CPNE4: variants seen among roughly 807,000 people sequenced by gnomAD.
CPNE4 encodes the protein copine 4, also known as copine-4.
CPNE4 carries 25 observed loss-of-function variants against 67.9 expected under a neutral mutation model. The ratio of observed to expected loss-of-function variants is 0.37; its 90% CI spans 0.27 to 0.51. CPNE4 has a LOEUF of 0.51. CPNE4 is among the 20% of genes least tolerant of loss of function. The pLI is 0.93. For missense variants in CPNE4, 464 were observed against 690.8 expected (o/e 0.67, Z 3.68); for synonymous variants, 242 against 244.9 (o/e 0.99, Z 0.11).
Position 131,792,696 on chromosome 3 carries a change from C to CAT in CPNE4, c.181-69073_181-69072dup, listed in dbSNP as rs2083789212. On this transcript the variant is annotated intron_variant, in intron 2 of 15. Transcript: ENST00000429747. The stretch of plus-strand genomic sequence containing the variant: ...ACATATATACACACGTGTATATATA[C>CAT]ATATACACACACGTGTATATATGTA... Among the ~76,000 whole-genome samples the CAT allele has an allele frequency of 5.8e-4, 26 of 44,536 alleles. 2 individuals are homozygous for CAT. The highest frequency in any genetic ancestry group is 2.0e-3 in the East Asian group (3 of 1,506). 29.2% of individuals were successfully genotyped at this position (44,536 alleles called of 152,430 possible).
intron 2 of CPNE4, among the ~76,000 whole-genome samples, chr3:131,737,625 A>G (rs958216306): frequency 1.3e-5 from 2 of 152,172 alleles, no homozygotes; most frequent in African/African-American, 4.8e-5. Flanking sequence ...AAGAAGTAGC[A>G]AGTCAACAAT....
intron 1 of CPNE4, among the ~76,000 whole-genome samples, chr3:131,925,025 C>T (rs763688478): frequency 5.9e-5 from 9 of 152,170 alleles, no homozygotes; most frequent in Non-Finnish European, 1.0e-4. Flanking sequence ...TTTCTCTTCA[C>T]ATTGAATTTT....
intron 2 of CPNE4, among the ~76,000 whole-genome samples, chr3:131,846,353 C>T (rs2085996996): frequency 6.6e-6 from 1 of 152,154 alleles, no homozygotes; most frequent in Admixed American, 6.5e-5. Context: ...ATATTTCCAA[C>T]ACTCTTGAGG....
At chr3:131,662,602 A>T (rs1321523841) in intron 7 of CPNE4, among the ~76,000 whole-genome samples, 4 of 145,832 alleles carry the variant, frequency 2.7e-5, no homozygotes, top group African/African-American at 1.0e-4. Flanking sequence ...ATCTATAAGG[A>T]ACTTAAACAA....
At chr3:131,536,273 T>C (rs1935140097) in intron 15 of CPNE4, among the ~76,000 whole-genome samples, 1 of 152,146 alleles carries the variant, frequency 6.6e-6, no homozygotes, top group South Asian at 2.1e-4. Context: ...ACCATGTGAT[T>C]TATGGTGATG....
intron 1 of CPNE4, among the ~76,000 whole-genome samples, chr3:132,001,635 GA>G (rs975767256): frequency 6.6e-6 from 1 of 150,756 alleles, no homozygotes; most frequent in African/African-American, 2.4e-5. Context: ...AGGAAGAGGA[GA>G]AAAAAAGAAT....
chr3:131,914,918 G>T (rs986892549), intron 1 of CPNE4, among the ~76,000 whole-genome samples: 4 of 152,222 alleles, frequency 2.6e-5, no homozygotes, highest in Admixed American at 1.3e-4. Context: ...GGAGTTTGCA[G>T]TGAGCCGAGA....
At chr3:131,874,997 G>C (rs1452038015) in intron 2 of CPNE4, among the ~76,000 whole-genome samples, 1 of 152,130 alleles carries the variant, frequency 6.6e-6, no homozygotes, top group Non-Finnish European at 1.5e-5. Context: ...TTGATAACAT[G>C]ATACCCTTTA....
At chr3:131,777,344 G>A (rs1169992950) in intron 2 of CPNE4, among the ~76,000 whole-genome samples, 1 of 151,282 alleles carries the variant, frequency 6.6e-6, no homozygotes, top group African/African-American at 2.4e-5. Context: ...GAATTTTTAA[G>A]GTGATTTTGA....
chr3:131,654,370 A>G (rs926297249), intron 7 of CPNE4, among the ~76,000 whole-genome samples: 8 of 151,486 alleles, frequency 5.3e-5, no homozygotes, highest in African/African-American at 1.9e-4. Flanking sequence ...CTAGTACCAA[A>G]TTTTTTTTTA....
At chr3:131,723,677 A>G (rs747716801) in intron 2 of CPNE4, 52 bp from the exon 3 acceptor site, 2 of 1,492,130 alleles carry the variant, frequency 1.3e-6, no homozygotes, top group Non-Finnish European at 1.8e-6. Context: ...TTTTATTATT[A>G]CCGTTCAAGA....
chr3:131,894,614 A>T (rs2088249024), intron 2 of CPNE4, among the ~76,000 whole-genome samples: 1 of 152,008 alleles, frequency 6.6e-6, no homozygotes, highest in Non-Finnish European at 1.5e-5. Flanking sequence ...AATTTTTAAA[A>T]TGTTCAATAT....
intron 1 of CPNE4, among the ~76,000 whole-genome samples, chr3:131,911,103 T>C (rs2088956439): frequency 6.6e-6 from 1 of 152,078 alleles, no homozygotes; most frequent in Admixed American, 6.6e-5. Flanking sequence ...GCAAAAGTAA[T>C]AGAATGTCAT....
chr3:131,893,606 A>C (rs1327454686), intron 2 of CPNE4, among the ~76,000 whole-genome samples: 4 of 152,016 alleles, frequency 2.6e-5, no homozygotes, highest in African/African-American at 7.2e-5. Context: ...TATAAAGATC[A>C]CATCAAGTAT....
intron 2 of CPNE4, among the ~76,000 whole-genome samples, chr3:131,762,326 A>G (rs193285227): frequency 3.2e-4 from 48 of 152,152 alleles, no homozygotes; most frequent in Non-Finnish European, 6.6e-4. Context: ...ATTAATAGCT[A>G]CTATTTGCCA....
intron 2 of CPNE4, among the ~76,000 whole-genome samples, chr3:131,740,121 A>G (rs1450095034): frequency 1.3e-5 from 2 of 152,220 alleles, no homozygotes; most frequent in Non-Finnish European, 2.9e-5. Flanking sequence ...GATATGGGAT[A>G]TAAGGCACTA....
intron 2 of CPNE4, among the ~76,000 whole-genome samples, chr3:131,746,787 C>T (rs1349701142): frequency 2.6e-5 from 4 of 152,034 alleles, no homozygotes; most frequent in Admixed American, 2.6e-4. Flanking sequence ...GTTATATGCC[C>T]AGCAATAGGA....
chr3:132,010,288 T>C (rs1045186569), intron 1 of CPNE4, among the ~76,000 whole-genome samples: 3 of 152,166 alleles, frequency 2.0e-5, no homozygotes, highest in Non-Finnish European at 4.4e-5. Flanking sequence ...GCACCCTCTC[T>C]ACACACAGCT....
At chr3:131,927,934 T>C (rs1167414588) in intron 1 of CPNE4, among the ~76,000 whole-genome samples, 1 of 152,190 alleles carries the variant, frequency 6.6e-6, no homozygotes, top group Non-Finnish European at 1.5e-5. Context: ...ATTAACTGTA[T>C]ATATGAAAAC....
Sources: allele counts gnomAD v4.1 joint callset (sites outside exome capture counted in the v4.1 genomes callset), GRCh38; gene constraint gnomAD v4.1.1; transcripts MANE v1.5; gene names NCBI Gene and HGNC (gene_info 2026-07-23, HGNC 2026-07-21).